The following LRRC37A3 variants were observed in gnomAD, a reference collection of about 807,000 sequenced individuals.
LRRC37A3 encodes the protein leucine-rich repeat-containing protein 37A3.
LRRC37A3 carries 25 observed loss-of-function variants against 106.2 expected under a neutral mutation model. That is an observed-to-expected ratio of 0.24 (90% CI 0.17 to 0.33). The LOEUF (loss-of-function observed/expected upper bound fraction) is 0.33, where lower values mean the gene tolerates loss of function less well. LRRC37A3 is among the 10% of genes least tolerant of loss of function. The pLI, the probability that LRRC37A3 is intolerant of heterozygous loss-of-function variation, is 1.00. For missense variants in LRRC37A3, 712 were observed against 1,644.9 expected (o/e 0.43, Z 9.81); for synonymous variants, 305 against 635.8 (o/e 0.48, Z 7.83).
intron 2 of LRRC37A3, among the ~76,000 whole-genome samples, chr17:64,917,348 G>A (rs1381531239): frequency 6.6e-6 from 1 of 150,884 alleles, no homozygotes; most frequent in Non-Finnish European, 1.5e-5. Flanking sequence ...ATGCAAAATG[G>A]TACAGCTACT....
At chr17:64,880,430 T>G (rs1182455513) in intron 8 of LRRC37A3, among the ~76,000 whole-genome samples, 1 of 152,238 alleles carries the variant, frequency 6.6e-6, no homozygotes, top group Non-Finnish European at 1.5e-5. Flanking sequence ...ATTAAAGGCA[T>G]GAGCCAGCGC....
intron 8 of LRRC37A3, among the ~76,000 whole-genome samples, chr17:64,874,528 C>G (rs907389056): frequency 6.6e-6 from 1 of 151,424 alleles, no homozygotes; most frequent in African/African-American, 2.4e-5. Context: ...TGGGGGGTGC[C>G]TCTGCCCGGC....
In LRRC37A3 at chr17:64,860,545, C is replaced by T; in HGVS notation, c.3601G>A (p.Ala1201Thr). The change falls in exon 12 of 15, where the codon GCC (alanine) becomes ACC (threonine). Residue 1201 changes from alanine (A) to threonine (T), a missense_variant. By Grantham distance (58) the Ala-to-Thr change is moderately conservative. Coordinates refer to ENST00000584306, the MANE Select transcript of LRRC37A3 (RefSeq NM_199340.5). ...QGAQASVENT[A>T]EEKRLGSPAP... ...GGACTTCCGAGCCTTTTTTCTTCGG[C>T]AGTGTTCTCCACAGATGCCTGGGCA... 6.2e-7 allele frequency: 1 copy of T among 1,612,974 alleles called. No homozygotes were observed. The highest frequency in any genetic ancestry group is 8.5e-7 in the Non-Finnish European group (1 of 1,179,854).
intron 8 of LRRC37A3, among the ~76,000 whole-genome samples, chr17:64,876,338 A>G (rs1973514685): frequency 6.6e-6 from 1 of 152,154 alleles, no homozygotes; most frequent in African/African-American, 2.4e-5. Flanking sequence ...ATGTGCCACC[A>G]CGTTCAGCTA....
rs1187365100 is a variant in LRRC37A3 at position 64,909,149 on chromosome 17, T to C, written c.-496+9601A>G. On this transcript the variant is annotated intron_variant, in intron 2 of 14. Coordinates refer to ENST00000584306, the MANE Select transcript of LRRC37A3 (RefSeq NM_199340.5). ...TACTTTGAGAAACACTTCCCTATAA[T>C]CTGATAGGTTATTTCCCCTAAGATC... is the stretch of plus-strand genomic sequence containing the variant. Among the ~76,000 whole-genome samples, 8 of 152,268 alleles carry C rather than the reference T, an allele frequency of 5.3e-5. No homozygotes were observed. In the East Asian group the frequency reaches 7.7e-4, roughly 15 times the overall value.
intron 6 of LRRC37A3, among the ~76,000 whole-genome samples, chr17:64,887,474 C>G (rs1439618854): frequency 9.4e-5 from 5 of 53,014 alleles, no homozygotes; most frequent in Non-Finnish European, 1.8e-4. Context: ...CACCACTGCA[C>G]TCCAGCCTGG....
intron 2 of LRRC37A3, among the ~76,000 whole-genome samples, chr17:64,917,416 G>T (rs1974731050): frequency 6.6e-6 from 1 of 151,690 alleles, no homozygotes; most frequent in Non-Finnish European, 1.5e-5. Flanking sequence ...CATACTCCTA[G>T]GTATTTACTC....
rs534111012 is a variant in LRRC37A3 at position 64,869,158 on chromosome 17, T to C, written c.2915A>G (p.Asn972Ser). The C allele has an allele frequency of 1.9e-5, 30 of 1,609,786 alleles. No individual in the cohort carries two copies. In the African/African-American group the frequency reaches 3.6e-4, roughly 19 times the overall value. ...GMQFLHKLIL[N>S]HNPLTTVEDP... Reference sequence around the variant, plus strand: ...TTCAACAGTTGTCAGAGGATTGTGATTGAGAATTCTGAAAAATGGAATGGA... The same window carrying C: ...TTCAACAGTTGTCAGAGGATTGTGACTGAGAATTCTGAAAAATGGAATGGA... Residue 972 changes from asparagine to serine, a missense_variant, in exon 9 of 15, where the codon AAT (asparagine) becomes AGT (serine). Physicochemically the swap from Asn to Ser is conservative, Grantham distance 46. Coordinates refer to ENST00000584306, the MANE Select transcript of LRRC37A3 (RefSeq NM_199340.5).
At chr17:64,865,544 T>C (rs1973038245) in intron 10 of LRRC37A3, among the ~76,000 whole-genome samples, 2 of 152,274 alleles carry the variant, frequency 1.3e-5, no homozygotes, top group African/African-American at 2.4e-5. Context: ...AATGAACACC[T>C]GTATAACTTT....
chr17:64,909,592 C>A (rs1195589702), intron 2 of LRRC37A3: 4 of 152,158 alleles, frequency 2.6e-5, no homozygotes, highest in African/African-American at 7.2e-5. Flanking sequence ...TTCTGATGTG[C>A]AGGCAAGTTT....
intron 8 of LRRC37A3, among the ~76,000 whole-genome samples, chr17:64,872,625 G>T (rs766783917): frequency 5.3e-5 from 8 of 152,148 alleles, no homozygotes; most frequent in Non-Finnish European, 8.8e-5. Flanking sequence ...ACTGTATTCG[G>T]CAATGAATAA....
Position 64,860,466 on chromosome 17 carries a change from G to C in LRRC37A3, c.3680C>G (p.Ala1227Gly), listed in dbSNP as rs779346883. 9 of 1,613,584 alleles carry C rather than the reference G, an allele frequency of 5.6e-6. No homozygotes were observed. Among genetic ancestry groups the C allele is most frequent in the Non-Finnish European group, 6.8e-6 (8 of 1,179,858 alleles). Residue 1227 changes from alanine to glycine, a missense_variant, in exon 12 of 15, where the codon GCG becomes GGG. By Grantham distance (60) the Ala-to-Gly change is moderately conservative. Coordinates refer to ENST00000584306, the MANE Select transcript of LRRC37A3 (RefSeq NM_199340.5). ...PHTQQGPEKLAGNAVYTKPSF... is the reference protein window; with the variant it reads ...PHTQQGPEKLGGNAVYTKPSF... ...AGGCTTGGTGTAGACGGCGTTTCCC[G>C]CTAACTTCTCAGGCCCCTGCTGTGT...
At chr17:64,866,672 C>T in intron 10 of LRRC37A3, among the ~76,000 whole-genome samples, 1 of 117,064 alleles carries the variant, frequency 8.5e-6, no homozygotes, top group African/African-American at 3.3e-5. Flanking sequence ...GCTCTGTCAC[C>T]CAAGCTGGAG....
intron 1 of LRRC37A3, among the ~76,000 whole-genome samples, 183 bp from the exon 2 acceptor site, chr17:64,919,053 G>GC (rs1447418594): frequency 5.3e-5 from 8 of 151,960 alleles, no homozygotes; most frequent in East Asian, 3.9e-4. Flanking sequence ...GGCTACTGCT[G>GC]CCCCCCCTGG....
chr17:64,877,052 C>A (rs891818134), intron 8 of LRRC37A3: 1 of 152,202 alleles, frequency 6.6e-6, no homozygotes, highest in African/African-American at 2.4e-5. Context: ...CCAAATTGAT[C>A]TATGGTTTCA....
At chr17:64,913,933 TTATGAA>T (rs1385644407) in intron 2 of LRRC37A3, among the ~76,000 whole-genome samples, 3 of 152,232 alleles carry the variant, frequency 2.0e-5, no homozygotes, top group Non-Finnish European at 2.9e-5. Flanking sequence ...TAATTATTAT[TTATGAA>T]ACACTTTACC....
chr17:64,876,376 G>A (rs904537120), intron 8 of LRRC37A3, among the ~76,000 whole-genome samples: 5 of 151,982 alleles, frequency 3.3e-5, no homozygotes, highest in African/African-American at 1.2e-4. Flanking sequence ...GTAGAGATAA[G>A]CTCTCAGTAT....
chr17:64,874,868 G>A (rs1327150975), intron 8 of LRRC37A3, among the ~76,000 whole-genome samples: 7 of 151,986 alleles, frequency 4.6e-5, no homozygotes, highest in Non-Finnish European at 7.4e-5. Context: ...GGTGCAAGAT[G>A]TGCTTTGTTA....
At position 64,858,827 on chromosome 17, in the gene LRRC37A3, A is replaced by C; in HGVS notation, c.4761T>G (p.Ile1587Met). ...TCAAAATCGTTAGTATTCCAGTCAC[A>C]ATTAACGCCAAGATGAGTTTTTTGG... ...GYTKKLILAL[I>M]VTGILTILII... is the part of the protein sequence containing the mutation. The change falls in exon 13 of 15, where the codon ATT (isoleucine) becomes ATG (methionine). Residue 1587 changes from isoleucine to methionine, a missense_variant. By Grantham distance (10) the Ile-to-Met change is conservative. Transcript: ENST00000584306. 6.2e-7 allele frequency: 1 copy of C among 1,613,780 alleles called. No individual in the cohort carries two copies. Among genetic ancestry groups the C allele is most frequent in the Non-Finnish European group, 8.5e-7 (1 of 1,179,794 alleles).
Sources: allele counts gnomAD v4.1 joint callset (sites outside exome capture counted in the v4.1 genomes callset), GRCh38; gene constraint gnomAD v4.1.1; transcripts MANE v1.5; gene names NCBI Gene and HGNC (gene_info 2026-07-23, HGNC 2026-07-21).